Variants in KCTD16 observed in about 807,000 individuals in gnomAD.
KCTD16 encodes the protein potassium channel tetramerization domain containing 16, also known as BTB/POZ domain-containing protein KCTD16.
A neutral mutation model predicts 33.2 loss-of-function variants in KCTD16; 13 were observed. That is an observed-to-expected ratio of 0.39 (90% CI 0.25 to 0.62). The LOEUF (loss-of-function observed/expected upper bound fraction) is 0.62, where lower values mean the gene tolerates loss of function less well. KCTD16 is among the 20% of genes least tolerant of loss of function. KCTD16 has a pLI of 0.50. For missense variants in KCTD16, 441 were observed against 525.1 expected (o/e 0.84, Z 1.57); for synonymous variants, 197 against 195.3 (o/e 1.01, Z -0.07).
intron 3 of KCTD16, among the ~76,000 whole-genome samples, chr5:144,276,914 A>AAG (rs1554084477): frequency 1.3e-5 from 2 of 151,906 alleles, no homozygotes; most frequent in Non-Finnish European, 2.9e-5. Flanking sequence ...AAAAAAAAAA[A>AAG]GAAACTCCAT....
At chr5:144,462,985 C>T (rs906120622) in intron 3 of KCTD16, among the ~76,000 whole-genome samples, 2 of 152,122 alleles carry the variant, frequency 1.3e-5, no homozygotes, top group East Asian at 1.9e-4. Context: ...AAAGACAAAT[C>T]GTATATAAAG....
Position 144,473,870 on chromosome 5 carries a change from A to G in KCTD16, c.1043A>G (p.Lys348Arg). 1 of 1,614,090 alleles carries G rather than the reference A, an allele frequency of 6.2e-7. No homozygotes were observed. The highest frequency in any genetic ancestry group is 1.1e-5 in the South Asian group (1 of 91,072). Reference protein sequence around the residue: ...NIQTLDRPIKKGPVQLIQQSE... With the variant: ...NIQTLDRPIKRGPVQLIQQSE... Reference sequence around the variant, plus strand: ...CAGACTCTGGACCGTCCCATCAAGAAGGGCCCTGTCCAGCTGATCCAACAG... The same window carrying G: ...CAGACTCTGGACCGTCCCATCAAGAGGGGCCCTGTCCAGCTGATCCAACAG... Residue 348 changes from lysine (K) to arginine (R), a missense_variant, in exon 4 of 4, where the codon AAG becomes AGG. This residue lies in a region of KCTD16 where 355 missense variants were observed against 413.0 expected (regional missense o/e 0.86). Coordinates refer to ENST00000512467, the MANE Select transcript of KCTD16 (RefSeq NM_020768.4).
chr5:144,465,946 C>G (rs1346915324), intron 3 of KCTD16, among the ~76,000 whole-genome samples: 4 of 152,070 alleles, frequency 2.6e-5, no homozygotes, highest in African/African-American at 4.8e-5. Flanking sequence ...TCAAGTGATT[C>G]TCCAGTCTCA....
chr5:144,360,722 G>A (rs543534499), intron 3 of KCTD16, among the ~76,000 whole-genome samples: 9 of 152,152 alleles, frequency 5.9e-5, no homozygotes, highest in Middle Eastern at 3.4e-3. Flanking sequence ...GAGCCACAGC[G>A]CCCAGCCAAA....
chr5:144,393,626 C>G (rs1183239603), intron 3 of KCTD16, among the ~76,000 whole-genome samples: 1 of 152,060 alleles, frequency 6.6e-6, no homozygotes, highest in Non-Finnish European at 1.5e-5. Flanking sequence ...AAAGCCAAGT[C>G]TTCTCTGCCA....
chr5:144,438,827 G>A (rs2126975147), intron 3 of KCTD16, among the ~76,000 whole-genome samples: 1 of 152,302 alleles, frequency 6.6e-6, no homozygotes, highest in African/African-American at 2.4e-5. Context: ...TGTCAGGGGT[G>A]AGAGAAAGGA....
chr5:144,366,236 A>T (rs1406536178), intron 3 of KCTD16, among the ~76,000 whole-genome samples: 1 of 152,188 alleles, frequency 6.6e-6, no homozygotes, highest in Non-Finnish European at 1.5e-5. Context: ...AACACCTGCA[A>T]TCTCAAGTAC....
intron 3 of KCTD16, among the ~76,000 whole-genome samples, chr5:144,250,531 T>C (rs1421270186): frequency 6.6e-6 from 1 of 152,214 alleles, no homozygotes; most frequent in Non-Finnish European, 1.5e-5. Flanking sequence ...GATACAGAAA[T>C]GCAGAATCTA....
At chr5:144,185,559 A>C (rs754570564) in intron 2 of KCTD16, among the ~76,000 whole-genome samples, 10 of 152,192 alleles carry the variant, frequency 6.6e-5, no homozygotes, top group Non-Finnish European at 1.5e-5. Context: ...TGCTGTGACC[A>C]GTCTACCCAA....
At chr5:144,274,809 G>A (rs772863881) in intron 3 of KCTD16, among the ~76,000 whole-genome samples, 4 of 152,056 alleles carry the variant, frequency 2.6e-5, no homozygotes, top group Non-Finnish European at 5.9e-5. Flanking sequence ...ATGTACTGAA[G>A]GTATCAGTTC....
intron 3 of KCTD16, among the ~76,000 whole-genome samples, chr5:144,298,048 C>A (rs540313452): frequency 6.6e-6 from 1 of 152,208 alleles, no homozygotes; most frequent in Non-Finnish European, 1.5e-5. Context: ...TTGCCGCTCC[C>A]GATTGGGCTA....
intron 3 of KCTD16, among the ~76,000 whole-genome samples, chr5:144,433,277 A>G (rs1753504328): frequency 6.6e-6 from 1 of 152,116 alleles, no homozygotes. Flanking sequence ...TTAGAAAATA[A>G]CAGGTCAAGT....
rs1398916402 is a variant in KCTD16, at chr5:144,431,026, T to C, written c.833-42634T>C. 2.0e-5 allele frequency among the ~76,000 whole-genome samples: 3 copies of C among 152,128 alleles called. No homozygotes were observed. The East Asian group carries it at 5.8e-4, about 29-fold the overall frequency. ...CCATAGTCCTCCTGAAGACCAAACG[T>C]ATAGCCCCAAGAAAGCTCTCCATGA... On this transcript the variant is annotated intron_variant, in intron 3 of 3. Coordinates refer to ENST00000512467, the MANE Select transcript of KCTD16 (RefSeq NM_020768.4).
intron 2 of KCTD16, among the ~76,000 whole-genome samples, chr5:144,196,297 A>T (rs1446806050): frequency 6.6e-6 from 1 of 151,948 alleles, no homozygotes; most frequent in African/African-American, 2.4e-5. Context: ...AAGCACTTTT[A>T]TTATTGTCAG....
At chr5:144,375,816 T>C (rs2126927131) in intron 3 of KCTD16, among the ~76,000 whole-genome samples, 1 of 152,082 alleles carries the variant, frequency 6.6e-6, no homozygotes, top group South Asian at 2.1e-4. Flanking sequence ...CTCCCTTCCT[T>C]CCTTCCTTCC....
chr5:144,256,818 G>C (rs1316754331), intron 3 of KCTD16, among the ~76,000 whole-genome samples: 2 of 137,916 alleles, frequency 1.5e-5, no homozygotes, highest in African/African-American at 3.3e-5. Flanking sequence ...TTTTTTTGCA[G>C]ATTTCAAATA....
intron 3 of KCTD16, among the ~76,000 whole-genome samples, chr5:144,442,777 A>G (rs1418028032): frequency 3.3e-5 from 5 of 151,950 alleles, no homozygotes; most frequent in Admixed American, 6.6e-5. Context: ...AGAGCTGTGG[A>G]TCTCTTTGAC....
At chr5:144,281,499 A>G in intron 3 of KCTD16, among the ~76,000 whole-genome samples, 1 of 152,132 alleles carries the variant, frequency 6.6e-6, no homozygotes, top group East Asian at 1.9e-4. Context: ...ATTTGGGGAT[A>G]TTTCAGATAT....
At chr5:144,223,703 A>G (rs977065301) in intron 3 of KCTD16, among the ~76,000 whole-genome samples, 1 of 152,138 alleles carries the variant, frequency 6.6e-6, no homozygotes, top group African/African-American at 2.4e-5. Flanking sequence ...ACTTTATAAA[A>G]TTAGAGCATC....
Sources: allele counts gnomAD v4.1 joint callset (sites outside exome capture counted in the v4.1 genomes callset), GRCh38; gene constraint gnomAD v4.1.1; regional missense constraint gnomAD v4.1.1; transcripts MANE v1.5; gene names NCBI Gene and HGNC (gene_info 2026-07-23, HGNC 2026-07-21).